Variants in SPTLC2 observed in about 807,000 individuals in gnomAD.
SPTLC2 encodes the protein serine palmitoyltransferase long chain base subunit 2, also known as serine palmitoyltransferase 2.
Under a neutral mutation model 62.0 loss-of-function variants are expected in SPTLC2, and 21 were observed. The ratio of observed to expected loss-of-function variants is 0.34; its 90% CI spans 0.24 to 0.49. The LOEUF (loss-of-function observed/expected upper bound fraction) is 0.49. Ranked by LOEUF, SPTLC2 falls within the 20% of genes least tolerant of loss-of-function variation. SPTLC2 has a pLI of 0.99. For missense variants in SPTLC2, 511 were observed against 713.0 expected (o/e 0.72, Z 3.23); for synonymous variants, 261 against 261.8 (o/e 1.00, Z 0.03).
chr14:77,589,931 T>C (rs911972754), intron 2 of SPTLC2, among the ~76,000 whole-genome samples: 1 of 147,858 alleles, frequency 6.8e-6, no homozygotes, highest in Non-Finnish European at 1.5e-5. Context: ...TGAGCTGAGA[T>C]CATGCGATTG....
intron 9 of SPTLC2, among the ~76,000 whole-genome samples, chr14:77,522,613 G>C (rs1351283813): frequency 1.3e-5 from 2 of 152,086 alleles, no homozygotes; most frequent in Non-Finnish European, 1.5e-5. Flanking sequence ...AAATATTTGG[G>C]CAGGTTTTGA....
At chr14:77,607,781 G>C (rs1430210979) in intron 1 of SPTLC2, among the ~76,000 whole-genome samples, 1 of 152,102 alleles carries the variant, frequency 6.6e-6, no homozygotes, top group African/African-American at 2.4e-5. Context: ...ATGAGGTTTC[G>C]CACCAACTAA....
At chr14:77,550,317 G>A (rs938888809) in intron 9 of SPTLC2, among the ~76,000 whole-genome samples, 3 of 152,384 alleles carry the variant, frequency 2.0e-5, no homozygotes, top group South Asian at 2.1e-4. Flanking sequence ...GCTTACGCCT[G>A]TAATCCCAGC....
At chr14:77,556,701 ATATT>A (rs989551186) in intron 7 of SPTLC2, among the ~76,000 whole-genome samples, 6 of 150,438 alleles carry the variant, frequency 4.0e-5, no homozygotes, top group African/African-American at 1.5e-4. Flanking sequence ...CTAAAATAAA[ATATT>A]TATTAAAATT....
intron 5 of SPTLC2, among the ~76,000 whole-genome samples, chr14:77,568,491 G>C (rs1413141070): frequency 6.6e-6 from 1 of 152,138 alleles, no homozygotes; most frequent in African/African-American, 2.4e-5. Flanking sequence ...CTGATTTTCT[G>C]TTTCATTCTT....
At chr14:77,518,537 T>C (rs2079370020) in intron 10 of SPTLC2, among the ~76,000 whole-genome samples, 1 of 147,148 alleles carries the variant, frequency 6.8e-6, no homozygotes, top group Admixed American at 6.9e-5. Flanking sequence ...GCAGAAGCTG[T>C]AGTAAGGCAA....
intron 9 of SPTLC2, among the ~76,000 whole-genome samples, chr14:77,539,762 T>C (rs1469708743): frequency 6.6e-6 from 1 of 152,072 alleles, no homozygotes; most frequent in Non-Finnish European, 1.5e-5. Flanking sequence ...AGTGCTGGCA[T>C]TACAGGCGTG....
At chr14:77,615,630 G>A (rs991708417) in intron 1 of SPTLC2, among the ~76,000 whole-genome samples, 5 of 152,202 alleles carry the variant, frequency 3.3e-5, no homozygotes, top group African/African-American at 1.2e-4. Flanking sequence ...CCAGACCACT[G>A]TAAGGTTGAT....
At chr14:77,602,617 A>G (rs1276471333) in intron 1 of SPTLC2, among the ~76,000 whole-genome samples, 3 of 150,240 alleles carry the variant, frequency 2.0e-5, no homozygotes, top group Non-Finnish European at 4.4e-5. Context: ...TGGTGTGATC[A>G]TGGCTTACTG....
At chr14:77,597,497 G>C (rs1248791499) in intron 1 of SPTLC2, 117 bp from the exon 2 acceptor site, 1 of 964,264 alleles carries the variant, frequency 1.0e-6, no homozygotes, top group African/African-American at 1.6e-5. Context: ...AAGTTCCGCC[G>C]GGCGCACTGG....
chr14:77,603,454 T>C (rs1407232670), intron 1 of SPTLC2, among the ~76,000 whole-genome samples: 2 of 152,196 alleles, frequency 1.3e-5, no homozygotes, highest in Non-Finnish European at 2.9e-5. Context: ...CCCTACTGCA[T>C]ATCACACATA....
intron 6 of SPTLC2, among the ~76,000 whole-genome samples, chr14:77,561,794 T>C (rs777480634): frequency 6.6e-6 from 1 of 152,214 alleles, no homozygotes; most frequent in Non-Finnish European, 1.5e-5. Context: ...CAAACTTTTG[T>C]CTGTGCCTGT....
chr14:77,556,779 G>C (rs2079586541), intron 7 of SPTLC2, among the ~76,000 whole-genome samples: 1 of 152,128 alleles, frequency 6.6e-6, no homozygotes, highest in Non-Finnish European at 1.5e-5. Context: ...CCTACATATA[G>C]GTTCCCTCTA....
chr14:77,523,121 T>C (rs2079392834), intron 9 of SPTLC2, among the ~76,000 whole-genome samples: 1 of 152,224 alleles, frequency 6.6e-6, no homozygotes, highest in African/African-American at 2.4e-5. Flanking sequence ...TTTAAGTATG[T>C]TGGGAACTGA....
intron 2 of SPTLC2, among the ~76,000 whole-genome samples, chr14:77,580,032 G>A (rs1035642731): frequency 6.6e-6 from 1 of 152,100 alleles, no homozygotes. Context: ...CACATTAATA[G>A]ATTAGGGGAA....
rs2079320358 is a variant in SPTLC2, at chr14:77,509,220, T to G, written c.*3064A>C. 2 of 152,262 alleles carry G rather than the reference T, an allele frequency of 1.3e-5. No homozygotes were observed. Among genetic ancestry groups the G allele is most frequent in the South Asian group, 4.1e-4 (2 of 4,832 alleles). 9.4% of individuals were successfully genotyped at this position (152,262 alleles called of 1,614,324 possible). On this transcript the variant is annotated 3_prime_UTR_variant, in exon 12 of 12. Transcript: ENST00000216484. ...GGTTATGGAGACTAGAAGCTTTTTT[T>G]AAAGGTAAGGATTTCTTATCCAAAG...
At chr14:77,540,357 C>A (rs1379563798) in intron 9 of SPTLC2, among the ~76,000 whole-genome samples, 2 of 152,100 alleles carry the variant, frequency 1.3e-5, no homozygotes, top group East Asian at 3.8e-4. Flanking sequence ...AAATTTAACA[C>A]CACATTCTCA....
intron 9 of SPTLC2, among the ~76,000 whole-genome samples, chr14:77,527,829 C>A (rs2079416955): frequency 6.6e-6 from 1 of 152,048 alleles, no homozygotes; most frequent in South Asian, 2.1e-4. Flanking sequence ...TAAACTAGTA[C>A]TATTTAGCAT....
chr14:77,554,384 G>A lies in SPTLC2; in HGVS notation c.1176+916C>T, dbSNP rs545731727. Reference sequence around the variant, plus strand: ...TAGAACATTTCCATAACCCTGAAAGGAAACCTCATACCCATTAGCATTCAC... The same window carrying A: ...TAGAACATTTCCATAACCCTGAAAGAAAACCTCATACCCATTAGCATTCAC... On this transcript the variant is annotated intron_variant, in intron 8 of 11. Coordinates refer to ENST00000216484, the MANE Select transcript of SPTLC2 (RefSeq NM_004863.4). Among the ~76,000 whole-genome samples the A allele has an allele frequency of 1.2e-4, 19 of 152,194 alleles. No individual in the cohort carries two copies. In the South Asian group the frequency reaches 2.5e-3, roughly 20 times the overall value.
Sources: allele counts gnomAD v4.1 joint callset (sites outside exome capture counted in the v4.1 genomes callset), GRCh38; gene constraint gnomAD v4.1.1; transcripts MANE v1.5; gene names NCBI Gene and HGNC (gene_info 2026-07-23, HGNC 2026-07-21).